ECE1: variants seen among roughly 807,000 people sequenced by gnomAD.
ECE1 encodes endothelin converting enzyme 1.
Under a neutral mutation model 98.6 loss-of-function variants are expected in ECE1, and 35 were observed. The observed-to-expected ratio is 0.35, with a 90% CI of 0.27 to 0.47. ECE1 has a LOEUF of 0.47. Ranked by LOEUF, ECE1 falls within the 20% of genes least tolerant of loss-of-function variation. The pLI is 1.00. For missense variants in ECE1, 814 were observed against 1,025.3 expected (o/e 0.79, Z 2.81); for synonymous variants, 394 against 407.1 (o/e 0.97, Z 0.39).
chr1:21,313,151 G>A (rs1638763654), intron 1 of ECE1, among the ~76,000 whole-genome samples: 1 of 152,076 alleles, frequency 6.6e-6, no homozygotes, highest in African/African-American at 2.4e-5. Context: ...CTCTGTGCTT[G>A]TCCCCTCACC....
At chr1:21,263,391 T>C (rs1267614055) in intron 4 of ECE1, among the ~76,000 whole-genome samples, 1 of 151,114 alleles carries the variant, frequency 6.6e-6, no homozygotes, top group African/African-American at 2.4e-5. Context: ...AGAGTCTCGC[T>C]CTGTCACTAG....
chr1:21,239,664 T>TTGGGGGC (rs1368319965), intron 10 of ECE1, among the ~76,000 whole-genome samples: 1 of 152,116 alleles, frequency 6.6e-6, no homozygotes, highest in Non-Finnish European at 1.5e-5. Context: ...TGCACCAGCC[T>TTGGGGGC]TGGGGGCTGG....
chr1:21,331,526 G>A (rs1436488609), intron 1 of ECE1, among the ~76,000 whole-genome samples: 1 of 152,034 alleles, frequency 6.6e-6, no homozygotes, highest in Non-Finnish European at 1.5e-5. Context: ...AGGTTGCAGT[G>A]AGCCATGATG....
intron 4 of ECE1, among the ~76,000 whole-genome samples, chr1:21,263,730 G>C (rs957820296): frequency 6.6e-6 from 1 of 152,094 alleles, no homozygotes; most frequent in Non-Finnish European, 1.5e-5. Flanking sequence ...CCCGCCAGGA[G>C]TTGGTGTTCA....
intron 10 of ECE1, among the ~76,000 whole-genome samples, chr1:21,238,695 G>A (rs1232557421): frequency 6.6e-6 from 1 of 152,220 alleles, no homozygotes; most frequent in African/African-American, 2.4e-5. Context: ...GAGGCAAAGA[G>A]CGGTGGAGAG....
intron 2 of ECE1, among the ~76,000 whole-genome samples, chr1:21,287,639 G>T (rs1426668996): frequency 1.3e-5 from 2 of 152,224 alleles, no homozygotes; most frequent in Non-Finnish European, 2.9e-5. Flanking sequence ...CAGAGTGACA[G>T]CAGTTGCGCC....
chr1:21,220,818 T>C lies in ECE1; in HGVS notation c.2137-687A>G, dbSNP rs2098166458. On this transcript the variant is annotated intron_variant, in intron 18 of 18. Coordinates refer to ENST00000374893, the MANE Select transcript of ECE1 (RefSeq NM_001397.3). The surrounding 1 kb of genome is among the most constrained non-coding windows in gnomAD (Gnocchi z 5.0). ...CTCCAAAAAAACAAAACCCAGAAAA[T>C]ACAACACCAGGGAGATAAGCCCCCC... Among the ~76,000 whole-genome samples, 1 of 151,098 alleles carries C rather than the reference T, an allele frequency of 6.6e-6. No homozygotes were observed. Among genetic ancestry groups the C allele is most frequent in the Non-Finnish European group, 1.5e-5 (1 of 67,798 alleles).
intron 2 of ECE1, among the ~76,000 whole-genome samples, chr1:21,287,664 C>T (rs186845221): frequency 2.0e-5 from 3 of 152,312 alleles, no homozygotes; most frequent in Admixed American, 6.5e-5. Context: ...TGTCCAACTA[C>T]AGTGGATTGA....
chr1:21,311,889 T>A (rs1638732914), intron 1 of ECE1, among the ~76,000 whole-genome samples: 1 of 152,022 alleles, frequency 6.6e-6, no homozygotes, highest in South Asian at 2.1e-4. Context: ...TTTGGGAGGC[T>A]GAGGCGGGCA....
rs1459533404 is a variant in ECE1 at position 21,225,724 on chromosome 1, C to T, written c.1850-284G>A. On this transcript the variant is annotated intron_variant, in intron 16 of 18. Coordinates refer to ENST00000374893, the MANE Select transcript of ECE1 (RefSeq NM_001397.3). The surrounding 1 kb of genome is among the most constrained non-coding windows in gnomAD (Gnocchi z 5.3). Reference sequence around the variant, plus strand: ...TTTTTTTTTTTTTGAGACAGTCTCACTCTGCCACTCAGGCTGGAGTGCAGT... The same window carrying T: ...TTTTTTTTTTTTTGAGACAGTCTCATTCTGCCACTCAGGCTGGAGTGCAGT... 6.7e-6 allele frequency among the ~76,000 whole-genome samples: 1 copy of T among 148,744 alleles called. No homozygotes were observed. Among genetic ancestry groups the T allele is most frequent in the African/African-American group, 2.5e-5 (1 of 40,228 alleles).
Position 21,258,596 on chromosome 1 carries a change from CAGGGCAAG to C in ECE1, c.762+89_762+96del. ...GAAACTAGAAGACCGCCGTCCCACCCAGGGCAAGCCCCTCTCCCACCCCAGGTCCTGCT... is the reference window on the plus strand; with the variant it reads ...GAAACTAGAAGACCGCCGTCCCACCCCCCCTCTCCCACCCCAGGTCCTGCT... On this transcript the variant is annotated intron_variant, in intron 6 of 18. Coordinates refer to ENST00000374893, the MANE Select transcript of ECE1 (RefSeq NM_001397.3). This position sits in a 1 kb window ranked among gnomAD's most constrained non-coding sequence, Gnocchi z 4.2. 1 of 1,238,082 alleles carries C rather than the reference CAGGGCAAG, an allele frequency of 8.1e-7. No individual in the cohort carries two copies. The highest frequency in any genetic ancestry group is 1.1e-6 in the Non-Finnish European group (1 of 870,946). The allele number at this position is 1,238,082 out of a possible 1,614,324, so 76.7% of individuals were successfully genotyped here.
At chr1:21,338,724 G>A (rs907189805) in intron 1 of ECE1, among the ~76,000 whole-genome samples, 3 of 152,242 alleles carry the variant, frequency 2.0e-5, no homozygotes, top group African/African-American at 7.2e-5. Flanking sequence ...GCCTGGGCTG[G>A]AAGCCACCCT....
In ECE1 at chr1:21,260,300, C is replaced by G; in HGVS notation, c.586G>C (p.Ala196Pro). ...MNETRIEELR[A>P]KPLMELIERL... ...TCAATCAACTCCATTAGAGGTTTGGCCCTGAGCTCCTCGATCCTGGTCTCG... is the reference window on the plus strand; with the variant it reads ...TCAATCAACTCCATTAGAGGTTTGGGCCTGAGCTCCTCGATCCTGGTCTCG... Residue 196 changes from alanine to proline, a missense_variant, in exon 5 of 19, where the codon GCC becomes CCC. Transcript: ENST00000374893. This position sits in a 1 kb window ranked among gnomAD's most constrained non-coding sequence, Gnocchi z 4.3. 1 of 1,614,248 alleles carries G rather than the reference C, an allele frequency of 6.2e-7. No homozygotes were observed.
At chr1:21,238,950 G>A (rs1313477827) in intron 10 of ECE1, among the ~76,000 whole-genome samples, 1 of 151,938 alleles carries the variant, frequency 6.6e-6, no homozygotes, top group Non-Finnish European at 1.5e-5. Context: ...GAGTAGCTGG[G>A]ACAACAGGTG....
chr1:21,284,450 G>C (rs1176684176), intron 2 of ECE1, among the ~76,000 whole-genome samples: 1 of 152,206 alleles, frequency 6.6e-6, no homozygotes, highest in African/African-American at 2.4e-5. Flanking sequence ...GGCAGAAAGA[G>C]AATGAGAAGG....
intron 10 of ECE1, among the ~76,000 whole-genome samples, chr1:21,238,844 G>A (rs753912563): frequency 3.3e-5 from 5 of 151,732 alleles, no homozygotes; most frequent in Non-Finnish European, 5.9e-5. Flanking sequence ...GCAGGGTCTC[G>A]CTCTGTCACC....
chr1:21,275,526 C>T lies in ECE1; in HGVS notation c.281-2615G>A, dbSNP rs185985813. Reference sequence around the variant, plus strand: ...AGGAGAATCTTTTGAACCCGGGAGGCGGAGATTGCAGTGAGCCAAGATCGC... The same window carrying T: ...AGGAGAATCTTTTGAACCCGGGAGGTGGAGATTGCAGTGAGCCAAGATCGC... On this transcript the variant is annotated intron_variant, in intron 3 of 18. Coordinates refer to ENST00000374893, the MANE Select transcript of ECE1 (RefSeq NM_001397.3). 1.1e-3 allele frequency among the ~76,000 whole-genome samples: 169 copies of T among 152,198 alleles called. 1 individual carries two copies. The highest frequency in any genetic ancestry group is 2.1e-3 in the Non-Finnish European group (142 of 68,010).
chr1:21,253,014 CA>C (rs1274340369), intron 8 of ECE1, among the ~76,000 whole-genome samples: 2 of 151,832 alleles, frequency 1.3e-5, no homozygotes, highest in Non-Finnish European at 2.9e-5. Flanking sequence ...ACACAGGCTT[CA>C]GGGGGCCAGG....
intron 1 of ECE1, among the ~76,000 whole-genome samples, chr1:21,326,727 G>A (rs917411420): frequency 6.6e-6 from 1 of 152,136 alleles, no homozygotes; most frequent in Non-Finnish European, 1.5e-5. Context: ...GGTGCCAACT[G>A]GGGTGACATC....
Sources: allele counts gnomAD v4.1 joint callset (sites outside exome capture counted in the v4.1 genomes callset), GRCh38; gene constraint gnomAD v4.1.1; non-coding constraint Gnocchi (gnomAD v3.1); transcripts MANE v1.5; gene names NCBI Gene and HGNC (gene_info 2026-07-23, HGNC 2026-07-21).